SLC45A4: variants seen among roughly 807,000 people sequenced by gnomAD.
SLC45A4 encodes the protein solute carrier family 45 member 4, also known as polyamine-transporter SLC45A4.
In SLC45A4, 32 loss-of-function variants were observed where a neutral mutation model predicts 63.7. The ratio of observed to expected loss-of-function variants is 0.50; its 90% CI spans 0.38 to 0.67. The LOEUF is 0.67. SLC45A4 is among the 30% of genes least tolerant of loss of function. SLC45A4 has a pLI of 0.00. For missense variants in SLC45A4, 1,027 were observed against 1,157.7 expected, an observed-to-expected ratio of 0.89 and a Z score of 1.64; for synonymous variants, 535 against 510.0, an observed-to-expected ratio of 1.05 and a Z score of -0.66.
chr8:141,265,289 G>A (rs1348373613), intron 1 of SLC45A4, among the ~76,000 whole-genome samples: 1 of 152,206 alleles, frequency 6.6e-6, no homozygotes, highest in African/African-American at 2.4e-5. Flanking sequence ...CTCTGAGGCA[G>A]TTTGAAATCC....
chr8:141,287,457 C>A (rs1830190526), intron 1 of SLC45A4, among the ~76,000 whole-genome samples: 1 of 152,288 alleles, frequency 6.6e-6, no homozygotes, highest in African/African-American at 2.4e-5. Flanking sequence ...GACCGGCCTT[C>A]TCCCCAAAGT....
At position 141,218,935 on chromosome 8, in the gene SLC45A4, G is replaced by T; in HGVS notation, c.705C>A (p.Phe235Leu). The change falls in exon 5 of 9, where the codon TTC becomes TTA. Residue 235 changes from phenylalanine to leucine, a missense_variant. Coordinates refer to ENST00000517878, the MANE Select transcript of SLC45A4 (RefSeq NM_001286646.2). The part of the protein sequence containing the change: ...SWFRTQNQVL[F>L]FFAAIIFTVS... The stretch of plus-strand genomic sequence containing the variant: ...CCGTGAAGATGATGGCGGCAAAGAA[G>T]AAGAGCACCTGGTTCTGGGTCCGGA... 1 of 1,613,792 alleles carries T rather than the reference G, an allele frequency of 6.2e-7. No homozygotes were observed. Among genetic ancestry groups the T allele is most frequent in the Non-Finnish European group, 8.5e-7 (1 of 1,179,948 alleles).
In SLC45A4 at chr8:141,209,949, A is replaced by C. The variant is rs1396440028; in HGVS notation, c.*1623T>G. 1 of 152,260 alleles carries C rather than the reference A, an allele frequency of 6.6e-6. No homozygotes were observed. Among genetic ancestry groups the C allele is most frequent in the Non-Finnish European group, 1.5e-5 (1 of 68,050 alleles). 9.4% of individuals were successfully genotyped at this position (152,260 alleles called of 1,614,324 possible). ...CCCTGGATCCGGCCCCTGGGCCTTCAGATGAGGGTGGGAAGCCTCAGGCAA... is the reference window on the plus strand; with the variant it reads ...CCCTGGATCCGGCCCCTGGGCCTTCCGATGAGGGTGGGAAGCCTCAGGCAA... On this transcript the variant is annotated 3_prime_UTR_variant, in exon 9 of 9. Coordinates refer to ENST00000517878, the MANE Select transcript of SLC45A4 (RefSeq NM_001286646.2).
At chr8:141,249,188 C>T (rs1828355468) in intron 2 of SLC45A4, among the ~76,000 whole-genome samples, 1 of 152,044 alleles carries the variant, frequency 6.6e-6, no homozygotes, top group Non-Finnish European at 1.5e-5. Flanking sequence ...GTACCGTCAC[C>T]CTGGAAAGCA....
intron 1 of SLC45A4, among the ~76,000 whole-genome samples, chr8:141,285,280 C>G (rs4961354): frequency 0.59 from 89,463 of 152,158 alleles, 26,534 homozygotes; most frequent in Middle Eastern, 0.63. Context: ...TCGGGTCACG[C>G]AGCCTCATGG....
In SLC45A4 at chr8:141,207,379, C is replaced by T. The variant is rs1489761785; in HGVS notation, c.*4193G>A. ...GGCTCTGTGTACACACAGACACAAA[C>T]ATGAGGCCACTGTTACCCAACTAAT... On this transcript the variant is annotated 3_prime_UTR_variant, in exon 9 of 9. Coordinates refer to ENST00000517878, the MANE Select transcript of SLC45A4 (RefSeq NM_001286646.2). 2.0e-5 allele frequency: 3 copies of T among 152,226 alleles called. No homozygotes were observed. The highest frequency in any genetic ancestry group is 4.4e-5 in the Non-Finnish European group (3 of 68,066). 9.4% of individuals were successfully genotyped at this position (152,226 alleles called of 1,614,324 possible). A position where few individuals can be genotyped will look rare whatever the true frequency, so the allele number is the denominator to read the frequency against.
At chr8:141,265,932 C>T (rs1394303872) in intron 1 of SLC45A4, among the ~76,000 whole-genome samples, 1 of 152,230 alleles carries the variant, frequency 6.6e-6, no homozygotes, top group African/African-American at 2.4e-5. Flanking sequence ...TTCCAATCAA[C>T]AACTTCCTCT....
rs576036269 is a variant in SLC45A4, at chr8:141,256,192, G to T, written c.-400-1563C>A. 6.6e-6 allele frequency among the ~76,000 whole-genome samples: 1 copy of T among 152,186 alleles called. No homozygotes were observed. The highest frequency in any genetic ancestry group is 2.4e-5 in the African/African-American group (1 of 41,440). ...ATCTCTCCTCAGGTAAGATAAGATC[G>T]GGGATGTGGAACACCCCAAGTTCAG... On this transcript the variant is annotated intron_variant, in intron 1 of 8. Coordinates refer to ENST00000517878, the MANE Select transcript of SLC45A4 (RefSeq NM_001286646.2). This position sits in a 1 kb window ranked among gnomAD's most constrained non-coding sequence, Gnocchi z 4.3.
intron 1 of SLC45A4, among the ~76,000 whole-genome samples, chr8:141,257,843 G>A (rs1340718566): frequency 2.0e-5 from 3 of 152,168 alleles, no homozygotes; most frequent in Non-Finnish European, 4.4e-5. Context: ...GGCCCAGAAC[G>A]TCAACAGCAC....
chr8:141,307,509 A>G (rs59295278), intron 1 of SLC45A4, among the ~76,000 whole-genome samples: 12,144 of 150,870 alleles, frequency 0.08, 1,004 homozygotes, highest in African/African-American at 0.2. Flanking sequence ...TGCACTGGGC[A>G]GAGGGAAAGG....
At chr8:141,224,618 ATTTTTGTAT>A (rs1826863948) in intron 2 of SLC45A4, 3 of 152,236 alleles carry the variant, frequency 2.0e-5, no homozygotes, top group Admixed American at 6.5e-5. Flanking sequence ...CCGGCGGCTA[ATTTTTGTAT>A]TTTTTGTAGA....
intron 1 of SLC45A4, among the ~76,000 whole-genome samples, chr8:141,259,067 T>C (rs1828937931): frequency 6.6e-6 from 1 of 152,174 alleles, no homozygotes; most frequent in Non-Finnish European, 1.5e-5. Context: ...GAAAGTCAGC[T>C]GCCTCACTGG....
Position 141,211,265 on chromosome 8 carries a change from T to G in SLC45A4, c.*307A>C. 1 of 552,390 alleles carries G rather than the reference T, an allele frequency of 1.8e-6. No homozygotes were observed. Among genetic ancestry groups the G allele is most frequent in the Non-Finnish European group, 2.9e-6 (1 of 339,102 alleles). 34.2% of individuals were successfully genotyped at this position (552,390 alleles called of 1,614,324 possible). ...TCCTTCCCCCTGACGTTGGGAGCGG[T>G]CTGGAGGGGCAACCTGGCCTCCTAG... On this transcript the variant is annotated 3_prime_UTR_variant, in exon 9 of 9. Transcript: ENST00000517878.
At chr8:141,259,755 T>C (rs562892203) in intron 1 of SLC45A4, among the ~76,000 whole-genome samples, 1 of 152,222 alleles carries the variant, frequency 6.6e-6, no homozygotes, top group South Asian at 2.1e-4. Flanking sequence ...TGTCCCCAGA[T>C]CTCCCAGCAT....
intron 1 of SLC45A4, among the ~76,000 whole-genome samples, chr8:141,303,287 G>A (rs565310886): frequency 1.5e-4 from 23 of 150,522 alleles, no homozygotes; most frequent in Non-Finnish European, 2.1e-4. Flanking sequence ...ACGTGCCATC[G>A]TGCCCGGCTA....
At chr8:141,282,707 T>C (rs1439002765) in intron 1 of SLC45A4, among the ~76,000 whole-genome samples, 1 of 152,226 alleles carries the variant, frequency 6.6e-6, no homozygotes, top group East Asian at 1.9e-4. Context: ...AAGTCAACCA[T>C]CTTTCCCGGG....
chr8:141,279,449 C>T (rs528647813), intron 1 of SLC45A4, among the ~76,000 whole-genome samples: 5 of 152,284 alleles, frequency 3.3e-5, no homozygotes, highest in Non-Finnish European at 2.9e-5. Context: ...GCCCTCTACC[C>T]CCATTCTTAC....
chr8:141,223,674 C>A (rs1264256076), intron 2 of SLC45A4, among the ~76,000 whole-genome samples: 1 of 152,212 alleles, frequency 6.6e-6, no homozygotes, highest in South Asian at 2.1e-4. Flanking sequence ...TGTCCCTTTT[C>A]AAACTCCTTG....
At chr8:141,302,020 T>C (rs1830761328) in intron 1 of SLC45A4, among the ~76,000 whole-genome samples, 1 of 151,998 alleles carries the variant, frequency 6.6e-6, no homozygotes, top group African/African-American at 2.4e-5. Context: ...AACATACAAG[T>C]TCACAAAGAA....
Sources: allele counts gnomAD v4.1 joint callset (sites outside exome capture counted in the v4.1 genomes callset), GRCh38; gene constraint gnomAD v4.1.1; non-coding constraint Gnocchi (gnomAD v3.1); transcripts MANE v1.5; gene names NCBI Gene and HGNC (gene_info 2026-07-23, HGNC 2026-07-21).